The following SMYD3 variants were observed in gnomAD, a reference collection of about 807,000 sequenced individuals.
SMYD3 encodes the protein histone-lysine N-methyltransferase SMYD3.
SMYD3 carries 36 observed loss-of-function variants against 57.7 expected under a neutral mutation model. The ratio of observed to expected loss-of-function variants is 0.62; its 90% CI spans 0.48 to 0.82. The LOEUF (loss-of-function observed/expected upper bound fraction) is 0.82. SMYD3 is among the 40% of genes least tolerant of loss of function. SMYD3 has a pLI of 0.00. For synonymous variants in SMYD3, 211 were observed against 195.0 expected (o/e 1.08, Z -0.68); for missense variants, 515 against 538.8 (o/e 0.96, Z 0.44).
At chr1:246,413,106 C>G (rs1012204328) in intron 1 of SMYD3, among the ~76,000 whole-genome samples, 6 of 150,374 alleles carry the variant, frequency 4.0e-5, no homozygotes, top group African/African-American at 1.5e-4. Context: ...TTACATCATG[C>G]TACCACTCTA....
Position 246,196,046 on chromosome 1 carries a change from A to AAC in SMYD3, c.531+131153_531+131154dup, listed in dbSNP as rs549168494. ...ACTGTCACTTCTTTATTTAAAAAAAAACCTCCCTTTGCAGAAATATCACTG... is the reference window on the plus strand; with the variant it reads ...ACTGTCACTTCTTTATTTAAAAAAAAACACCTCCCTTTGCAGAAATATCACTG... On this transcript the variant is annotated intron_variant, in intron 5 of 11. Transcript: ENST00000490107. Among the ~76,000 whole-genome samples the AAC allele has an allele frequency of 3.0e-4, 46 of 152,298 alleles. No individual in the cohort carries two copies. The East Asian group carries it at 8.7e-3, about 29-fold the overall frequency.
intron 8 of SMYD3, among the ~76,000 whole-genome samples, chr1:245,897,483 C>G (rs1004967024): frequency 6.6e-6 from 1 of 152,220 alleles, no homozygotes; most frequent in Non-Finnish European, 1.5e-5. Flanking sequence ...GAAGGATTTG[C>G]AGTCACTGCT....
chr1:245,881,528 C>CT (rs2052777834), intron 8 of SMYD3, among the ~76,000 whole-genome samples: 1 of 152,152 alleles, frequency 6.6e-6, no homozygotes, highest in African/African-American at 2.4e-5. Flanking sequence ...AGCTTAACTC[C>CT]ATGCTAGGCA....
intron 1 of SMYD3, among the ~76,000 whole-genome samples, chr1:246,472,530 C>T (rs575154390): frequency 1.3e-5 from 2 of 152,070 alleles, no homozygotes; most frequent in Non-Finnish European, 2.9e-5. Context: ...ATCAGTTGGG[C>T]ACAGGAGTTT....
chr1:246,192,694 A>G (rs1421937396), intron 5 of SMYD3, among the ~76,000 whole-genome samples: 2 of 152,242 alleles, frequency 1.3e-5, no homozygotes, highest in African/African-American at 4.8e-5. Context: ...GGGAAAAGAA[A>G]TAAAATTAGT....
intron 5 of SMYD3, among the ~76,000 whole-genome samples, chr1:246,117,842 A>C (rs1399989947): frequency 1.3e-5 from 2 of 152,230 alleles, no homozygotes; most frequent in Non-Finnish European, 2.9e-5. Context: ...CATTTCCGAA[A>C]AACAGTAGAA....
intron 1 of SMYD3, among the ~76,000 whole-genome samples, chr1:246,460,052 G>A (rs889355809): frequency 1.3e-5 from 2 of 151,620 alleles, no homozygotes; most frequent in South Asian, 2.1e-4. Flanking sequence ...ACACCCCTAC[G>A]CTTGATTTCT....
At position 246,076,677 on chromosome 1, in the gene SMYD3, G is replaced by T. The variant is rs68043654; in HGVS notation, c.532-146740C>A. ...TCCCACTAGCATTCTGTCTGGTTTT[G>T]TTTTTTTTTTCTAGATTAATTCAAT... On this transcript the variant is annotated intron_variant, in intron 5 of 11. Coordinates refer to ENST00000490107, the MANE Select transcript of SMYD3 (RefSeq NM_001167740.2). 0.011 allele frequency among the ~76,000 whole-genome samples: 698 copies of T among 63,606 alleles called. 13 individuals carry two copies. The African/African-American group carries it at 0.12, about 11-fold the overall frequency. The allele number at this position is 63,606 out of a possible 152,430, so 41.7% of individuals were successfully genotyped here. A position where few individuals can be genotyped will look rare whatever the true frequency, so the allele number is the denominator to read the frequency against.
intron 8 of SMYD3, among the ~76,000 whole-genome samples, chr1:245,892,923 A>T (rs1572609985): frequency 6.6e-6 from 1 of 152,196 alleles, no homozygotes; most frequent in African/African-American, 2.4e-5. Context: ...TCATTCTGTG[A>T]AGAGAATGAA....
chr1:245,943,762 C>A (rs1214169492), intron 5 of SMYD3, among the ~76,000 whole-genome samples: 1 of 152,162 alleles, frequency 6.6e-6, no homozygotes, highest in East Asian at 1.9e-4. Flanking sequence ...AATCCAGCAG[C>A]ACATCAAAAA....
Position 246,172,011 on chromosome 1 carries a change from A to C in SMYD3, c.531+155190T>G, listed in dbSNP as rs112579755. ...GGGTGACAGACTATGACTTTATCTC[A>C]TGAAGGAAAAGAAAGTTATGAAAGA... On this transcript the variant is annotated intron_variant, in intron 5 of 11. Transcript: ENST00000490107. 1.6e-3 allele frequency among the ~76,000 whole-genome samples: 246 copies of C among 152,290 alleles called. 1 individual carries two copies. Among genetic ancestry groups the C allele is most frequent in the African/African-American group, 5.5e-3 (229 of 41,566 alleles).
chr1:246,008,913 C>G (rs927406568), intron 5 of SMYD3, among the ~76,000 whole-genome samples: 4 of 152,078 alleles, frequency 2.6e-5, no homozygotes, highest in Non-Finnish European at 5.9e-5. Flanking sequence ...CAGGAGAGTC[C>G]GGGGATGAAG....
chr1:246,311,661 G>A (rs970094872), intron 5 of SMYD3, among the ~76,000 whole-genome samples: 5 of 152,040 alleles, frequency 3.3e-5, no homozygotes, highest in East Asian at 1.9e-4. Flanking sequence ...ACACGCGCAC[G>A]CGCGCACACA....
intron 5 of SMYD3, chr1:246,052,566 A>G (rs2060082456): frequency 6.6e-6 from 1 of 152,258 alleles, no homozygotes; most frequent in African/African-American, 2.4e-5. Flanking sequence ...CTATCCACTC[A>G]TACAATTTAT....
At chr1:246,492,190 T>C (rs776446281) in intron 1 of SMYD3, among the ~76,000 whole-genome samples, 10 of 152,172 alleles carry the variant, frequency 6.6e-5, no homozygotes, top group Non-Finnish European at 1.0e-4. Flanking sequence ...CTAGTTAAAT[T>C]AGTCCATGTT....
chr1:246,394,197 A>G (rs2066618718), intron 1 of SMYD3, among the ~76,000 whole-genome samples: 1 of 152,244 alleles, frequency 6.6e-6, no homozygotes, highest in African/African-American at 2.4e-5. Flanking sequence ...ACTAACTCAT[A>G]TATAGCACAG....
At chr1:246,328,779 T>C (rs2065403920) in intron 4 of SMYD3, among the ~76,000 whole-genome samples, 1 of 152,046 alleles carries the variant, frequency 6.6e-6, no homozygotes, top group South Asian at 2.1e-4. Context: ...CATGCTGGTG[T>C]GCTGCACCCA....
At position 245,955,780 on chromosome 1, in the gene SMYD3, A is replaced by G. The variant is rs188964154; in HGVS notation, c.532-25843T>C. On this transcript the variant is annotated intron_variant, in intron 5 of 11. Transcript: ENST00000490107. ...TGGAATGTATCCCCCATGGATAAGG[A>G]GGCACTAAGCAACATATTGTATGTT... The G allele has an allele frequency of 2.2e-3, 501 of 231,984 alleles. 2 individuals carry two copies. Among genetic ancestry groups the G allele is most frequent in the African/African-American group, 0.011 (479 of 42,948 alleles). The allele number at this position is 231,984 out of a possible 1,614,324, so 14.4% of individuals were successfully genotyped here.
chr1:245,965,258 G>A (rs2058111177), intron 5 of SMYD3, among the ~76,000 whole-genome samples: 1 of 152,110 alleles, frequency 6.6e-6, no homozygotes, highest in African/African-American at 2.4e-5. Context: ...TCCAAAGATG[G>A]GAGGGAAGAA....
Sources: allele counts gnomAD v4.1 joint callset (sites outside exome capture counted in the v4.1 genomes callset), GRCh38; gene constraint gnomAD v4.1.1; transcripts MANE v1.5; gene names NCBI Gene and HGNC (gene_info 2026-07-23, HGNC 2026-07-21).